The following C4BPA variants were observed in gnomAD, a reference collection of about 807,000 sequenced individuals.
The protein encoded by C4BPA is C4b-binding protein alpha chain.
C4BPA carries 31 observed loss-of-function variants against 63.7 expected under a neutral mutation model. The observed-to-expected ratio is 0.49, with a 90% CI of 0.37 to 0.66. The LOEUF is 0.66. Among genes scored for constraint, C4BPA ranks in the 30% least tolerant of loss-of-function variants. C4BPA has a pLI of 0.00. For missense variants in C4BPA, 572 were observed against 723.3 expected, an observed-to-expected ratio of 0.79 and a Z score of 2.40; for synonymous variants, 259 against 254.7, an observed-to-expected ratio of 1.02 and a Z score of -0.16.
At chr1:207,123,399 T>C (rs1314398131) in intron 4 of C4BPA, among the ~76,000 whole-genome samples, 1 of 152,228 alleles carries the variant, frequency 6.6e-6, no homozygotes, top group African/African-American at 2.4e-5. Flanking sequence ...CAATTTGTAA[T>C]CATTCATATC....
intron 4 of C4BPA, among the ~76,000 whole-genome samples, chr1:207,116,520 G>C (rs1051828673): frequency 8.7e-6 from 1 of 115,376 alleles, no homozygotes; most frequent in Non-Finnish European, 1.9e-5. Flanking sequence ...GTGTATATGT[G>C]TGTGTGTGTG....
chr1:207,121,815 A>C (rs1684927092), intron 4 of C4BPA, among the ~76,000 whole-genome samples: 1 of 152,076 alleles, frequency 6.6e-6, no homozygotes, highest in South Asian at 2.1e-4. Flanking sequence ...ACAACAATAA[A>C]CTTATCTTGT....
chr1:207,123,952 T>C lies in C4BPA; in HGVS notation c.459T>C (p.Arg153=). The C allele has an allele frequency of 6.2e-7, 1 of 1,611,542 alleles. No individual in the cohort carries two copies. Among genetic ancestry groups the C allele is most frequent in the Non-Finnish European group, 8.5e-7 (1 of 1,178,340 alleles). The part of the protein sequence containing the change: ...GFFLIGSTTS[R]CEVQDRGVGW... ...TCTTAATTGGCTCAACCACTAGTCG[T>C]TGTGAAGTCCAAGATAGAGGAGTTG... The change falls in exon 5 of 12, where the codon CGT becomes CGC. Residue 153 remains arginine, a synonymous_variant. Transcript: ENST00000367070.
At chr1:207,132,234 G>A (rs892329180) in intron 8 of C4BPA, among the ~76,000 whole-genome samples, 6 of 152,188 alleles carry the variant, frequency 3.9e-5, no homozygotes, top group South Asian at 4.1e-4. Context: ...ATCCTGACTC[G>A]TGACTGAGCA....
At chr1:207,125,517 C>T (rs1257031907) in intron 6 of C4BPA, among the ~76,000 whole-genome samples, 1 of 152,014 alleles carries the variant, frequency 6.6e-6, no homozygotes, top group Non-Finnish European at 1.5e-5. Context: ...CATGAGGGAT[C>T]CACCCTCATG....
chr1:207,134,274 G>A lies in C4BPA; in HGVS notation c.1085-130G>A, dbSNP rs774953866. 7 of 679,704 alleles carry A rather than the reference G, an allele frequency of 1.0e-5. No individual in the cohort carries two copies. The Admixed American group carries it at 1.3e-4, about 13-fold the overall frequency. The allele number at this position is 679,704 out of a possible 1,614,324, so 42.1% of individuals were successfully genotyped here. A position where few individuals can be genotyped will look rare whatever the true frequency, so the allele number is the denominator to read the frequency against. ...GAAAGAGCAGACTTGGAGTGTCTTG[G>A]GTCTCCCTTTCTGTTTCCCCAATCT... On this transcript the variant is annotated intron_variant, in intron 8 of 11. Transcript: ENST00000367070.
At chr1:207,106,686 C>T (rs1684569693) in intron 1 of C4BPA, among the ~76,000 whole-genome samples, 1 of 152,198 alleles carries the variant, frequency 6.6e-6, no homozygotes, top group South Asian at 2.1e-4. Context: ...CGTGATCTGC[C>T]TGCCTTGGCC....
At chr1:207,114,370 C>A in intron 3 of C4BPA, 85 bp downstream of exon 3, 3 of 1,057,950 alleles carry the variant, frequency 2.8e-6, no homozygotes, top group Non-Finnish European at 2.8e-6. Flanking sequence ...AATCTTTAGT[C>A]ACCAAGAAGA....
In C4BPA at chr1:207,113,970, T is replaced by C. The variant is rs1237041216; in HGVS notation, c.143-130T>C. The C allele has an allele frequency of 5.7e-6, 4 of 707,208 alleles. No individual in the cohort carries two copies. The East Asian group carries it at 1.0e-4, about 18-fold the overall frequency. The allele number at this position is 707,208 out of a possible 1,614,324, so 43.8% of individuals were successfully genotyped here. ...ATTGAACAGAGAGTATAATAGGAGT[T>C]ATGATTTTTCTTGACTAGAGATCAT... is the stretch of plus-strand genomic sequence containing the variant. On this transcript the variant is annotated intron_variant, in intron 2 of 11. Transcript: ENST00000367070.
chr1:207,141,137 G>A lies in C4BPA; in HGVS notation c.1305G>A (p.Gly435=), dbSNP rs533200213. The A allele has an allele frequency of 5.0e-6, 8 of 1,611,840 alleles. No individual in the cohort carries two copies. In the East Asian group the frequency reaches 1.3e-4, roughly 27 times the overall value. The part of the protein sequence containing the change: ...ICNFPPKIAH[G]HYKQSSSYSF... ...ATTTTCCTCCTAAAATTGCCCATGG[G>A]CATTATAAACAATCTAGTTCATACA... Residue 435 remains glycine (G), a synonymous_variant, in exon 10 of 12, where the codon GGG becomes GGA. Coordinates refer to ENST00000367070, the MANE Select transcript of C4BPA (RefSeq NM_000715.4).
intron 3 of C4BPA, 138 bp downstream of exon 3, chr1:207,114,423 TTTTTGAAAAAGCAAAACAGA>T (rs1572777172): frequency 1.6e-6 from 1 of 609,810 alleles, no homozygotes; most frequent in East Asian, 3.5e-5. Flanking sequence ...CTTGTGGCAT[TTTTTGAAAAAGCAAAACAGA>T]AAAATTAGGG....
chr1:207,110,349 C>T (rs1372699444), intron 1 of C4BPA, among the ~76,000 whole-genome samples: 1 of 152,166 alleles, frequency 6.6e-6, no homozygotes, highest in African/African-American at 2.4e-5. Context: ...TCCAGGATAG[C>T]TGGAGCCTAA....
chr1:207,125,107 G>T (rs1685008832), intron 6 of C4BPA, among the ~76,000 whole-genome samples: 1 of 152,172 alleles, frequency 6.6e-6, no homozygotes, highest in Non-Finnish European at 1.5e-5. Context: ...ACACAGTATT[G>T]CTTACTAACC....
At chr1:207,104,562 G>A (rs553199292) in intron 1 of C4BPA, 132 bp downstream of exon 1, 55 of 152,302 alleles carry the variant, frequency 3.6e-4, no homozygotes, top group African/African-American at 1.3e-3. Flanking sequence ...ATCTTTTCAG[G>A]AGCACTGTAT....
At chr1:207,143,608 C>T (rs76879340) in intron 10 of C4BPA, among the ~76,000 whole-genome samples, 6,157 of 152,068 alleles carry the variant, frequency 0.04, 210 homozygotes, top group African/African-American at 0.094. Context: ...ATAGGGCTGC[C>T]AGGAGACTTA....
chr1:207,106,944 A>G (rs529531587), intron 1 of C4BPA, among the ~76,000 whole-genome samples: 56 of 152,220 alleles, frequency 3.7e-4, no homozygotes, highest in Non-Finnish European at 7.2e-4. Flanking sequence ...ATATAGACCA[A>G]TTACAATACC....
intron 5 of C4BPA, 22 bp downstream of exon 5, chr1:207,124,029 T>C (rs1572785617): frequency 6.4e-7 from 1 of 1,565,394 alleles, no homozygotes; most frequent in Non-Finnish European, 8.8e-7. Context: ...CTCTTCTGAC[T>C]TGACTATCAA....
In C4BPA at chr1:207,124,204, A is replaced by G; in HGVS notation, c.544A>G (p.Arg182Gly). Residue 182 changes from arginine (R) to glycine (G), a missense_variant, in exon 6 of 12, where the codon AGG becomes GGG. Physicochemically the swap from Arg to Gly is moderately radical, Grantham distance 125. Coordinates refer to ENST00000367070, the MANE Select transcript of C4BPA (RefSeq NM_000715.4). Reference sequence around the variant, plus strand: ...CAAGTGTAAGCCTCCTCCAGACATCAGGAATGGAAGGCACAGCGGTGAAGA... The same window carrying G: ...CAAGTGTAAGCCTCCTCCAGACATCGGGAATGGAAGGCACAGCGGTGAAGA... Reference protein sequence around the residue: ...IVKCKPPPDIRNGRHSGEENF... With the variant: ...IVKCKPPPDIGNGRHSGEENF... 3 of 1,613,958 alleles carry G rather than the reference A, an allele frequency of 1.9e-6. No individual in the cohort carries two copies. The highest frequency in any genetic ancestry group is 2.5e-6 in the Non-Finnish European group (3 of 1,179,890).
At chr1:207,131,353 G>C (rs1685153883) in intron 7 of C4BPA, among the ~76,000 whole-genome samples, 193 bp from the exon 8 acceptor site, 1 of 152,234 alleles carries the variant, frequency 6.6e-6, no homozygotes, top group Non-Finnish European at 1.5e-5. Flanking sequence ...TTAGTGAAGA[G>C]CCTCTCTGGA....
Sources: allele counts gnomAD v4.1 joint callset (sites outside exome capture counted in the v4.1 genomes callset), GRCh38; gene constraint gnomAD v4.1.1; transcripts MANE v1.5; gene names NCBI Gene and HGNC (gene_info 2026-07-23, HGNC 2026-07-21).